Variants in CPA6 observed in about 807,000 individuals in gnomAD.
CPA6 encodes the protein carboxypeptidase B.
CPA6 carries 58 observed loss-of-function variants against 63.3 expected under a neutral mutation model. The observed-to-expected ratio is 0.92, with a 90% CI of 0.74 to 1.14. The LOEUF (loss-of-function observed/expected upper bound fraction) is 1.14, where lower values mean the gene tolerates loss of function less well. Among genes scored for constraint, CPA6 ranks in the 50% most tolerant of loss-of-function variants. CPA6 has a pLI of 0.00. For missense variants in CPA6, 565 were observed against 526.6 expected (o/e 1.07, Z -0.71); for synonymous variants, 185 against 179.0 (o/e 1.03, Z -0.27).
At chr8:67,671,361 C>T (rs1476362516) in intron 1 of CPA6, among the ~76,000 whole-genome samples, 1 of 152,206 alleles carries the variant, frequency 6.6e-6, no homozygotes, top group Non-Finnish European at 1.5e-5. Context: ...CTCCCCCATC[C>T]CCACTGCAGC....
rs551001551 is a variant in CPA6, at chr8:67,518,349, A to G, written c.193-302T>C. 5.8e-4 allele frequency among the ~76,000 whole-genome samples: 88 copies of G among 152,298 alleles called. 2 individuals carry two copies. In the South Asian group the frequency reaches 0.017, roughly 30 times the overall value. ...GGTATAATTTTGATATGGTTTTAAA[A>G]TTATTTGCTATGCAAATACTTGAAT... On this transcript the variant is annotated intron_variant, in intron 2 of 10. Transcript: ENST00000297770.
chr8:67,583,139 T>C (rs556319641), intron 2 of CPA6, among the ~76,000 whole-genome samples: 2 of 147,810 alleles, frequency 1.4e-5, no homozygotes, highest in African/African-American at 2.5e-5. Flanking sequence ...GTGTAAAGAG[T>C]TGGATGATTT....
intron 8 of CPA6, among the ~76,000 whole-genome samples, chr8:67,476,091 G>A (rs905242481): frequency 5.3e-5 from 8 of 150,368 alleles, no homozygotes; most frequent in South Asian, 2.1e-4. Context: ...CTTGGCTCAC[G>A]GCAACCGTTC....
intron 2 of CPA6, among the ~76,000 whole-genome samples, chr8:67,534,754 C>T (rs577458902): frequency 2.0e-4 from 31 of 152,106 alleles, no homozygotes; most frequent in African/African-American, 6.8e-4. Flanking sequence ...TCTAAGATAA[C>T]GTGTGCAGAA....
At chr8:67,727,141 G>C (rs1380801535) in intron 1 of CPA6, among the ~76,000 whole-genome samples, 1 of 151,064 alleles carries the variant, frequency 6.6e-6, no homozygotes, top group East Asian at 1.9e-4. Context: ...ACAGAAAAAA[G>C]TATAGGGAGA....
At chr8:67,507,999 T>TTG (rs145996041) in intron 5 of CPA6, among the ~76,000 whole-genome samples, 30,703 of 141,392 alleles carry the variant, frequency 0.22, 3,841 homozygotes, top group Non-Finnish European at 0.29. Flanking sequence ...ATGGGGTGCT[T>TTG]TGTGTGTGTG....
chr8:67,726,264 G>A (rs1017733430), intron 1 of CPA6, among the ~76,000 whole-genome samples: 1 of 152,172 alleles, frequency 6.6e-6, no homozygotes, highest in Non-Finnish European at 1.5e-5. Flanking sequence ...TCAAAGTGAT[G>A]GAAAGTCAGA....
chr8:67,722,449 C>T (rs909553845), intron 1 of CPA6, among the ~76,000 whole-genome samples: 3 of 152,162 alleles, frequency 2.0e-5, no homozygotes, highest in African/African-American at 4.8e-5. Context: ...CTTTGAGAGC[C>T]GCTCATTTCC....
chr8:67,468,390 C>A (rs930013868), intron 8 of CPA6, among the ~76,000 whole-genome samples: 14 of 151,678 alleles, frequency 9.2e-5, no homozygotes, highest in African/African-American at 3.2e-4. Flanking sequence ...CGAGACCAGC[C>A]TGGCCAACAT....
intron 2 of CPA6, among the ~76,000 whole-genome samples, chr8:67,544,023 A>G (rs1812762279): frequency 6.6e-6 from 1 of 152,114 alleles, no homozygotes; most frequent in African/African-American, 2.4e-5. Context: ...CCTGGTCTCA[A>G]GTGATCCTCC....
At chr8:67,690,385 A>T (rs1157610732) in intron 1 of CPA6, among the ~76,000 whole-genome samples, 3 of 152,218 alleles carry the variant, frequency 2.0e-5, no homozygotes, top group African/African-American at 7.2e-5. Flanking sequence ...TTAGAAGTTT[A>T]AAGATCTGTA....
In CPA6 at chr8:67,507,999, TTGTGTGTGTGTGTGTGTGTGTGTG is replaced by T. The variant is rs145996041; in HGVS notation, c.535-1135_535-1112del. On this transcript the variant is annotated intron_variant, in intron 5 of 10. Coordinates refer to ENST00000297770, the MANE Select transcript of CPA6 (RefSeq NM_020361.5). ...TTCCTCCTGTATTCTATGGGGTGCT[TTGTGTGTGTGTGTGTGTGTGTGTG>T]TGTGTGTGTGTGTGTGTGTGTGTGT... Among the ~76,000 whole-genome samples the T allele has an allele frequency of 4.7e-3, 671 of 142,394 alleles. 2 individuals are homozygous for T. Among genetic ancestry groups the T allele is most frequent in the South Asian group, 7.4e-3 (32 of 4,308 alleles). The allele number at this position is 142,394 out of a possible 152,430, so 93.4% of individuals were successfully genotyped here. A position where few individuals can be genotyped will look rare whatever the true frequency, so the allele number is the denominator to read the frequency against.
At chr8:67,475,839 CTTT>C (rs1563967719) in intron 8 of CPA6, among the ~76,000 whole-genome samples, 10 of 62,184 alleles carry the variant, frequency 1.6e-4, no homozygotes, top group South Asian at 1.1e-3. Context: ...TTCTTTCTTT[CTTT>C]CTTTCTTTCT....
At chr8:67,735,872 G>A (rs1213666904) in intron 1 of CPA6, among the ~76,000 whole-genome samples, 3 of 152,008 alleles carry the variant, frequency 2.0e-5, no homozygotes, top group Non-Finnish European at 4.4e-5. Flanking sequence ...GTATGTTACG[G>A]GACCTCACCA....
intron 8 of CPA6, among the ~76,000 whole-genome samples, chr8:67,453,452 T>C (rs1810600541): frequency 1.3e-5 from 2 of 152,088 alleles, no homozygotes; most frequent in Non-Finnish European, 2.9e-5. Flanking sequence ...TCTGGATATT[T>C]TGAGTTGAGA....
At chr8:67,460,257 G>A (rs1322629303) in intron 8 of CPA6, among the ~76,000 whole-genome samples, 1 of 152,178 alleles carries the variant, frequency 6.6e-6, no homozygotes, top group East Asian at 1.9e-4. Context: ...TTTATTGAAT[G>A]AATCAATCTG....
chr8:67,509,469 G>T, intron 5 of CPA6, 48 bp downstream of exon 5: 1 of 872,956 alleles, frequency 1.1e-6, no homozygotes. Context: ...GAAAAAGATG[G>T]ATATTTGGTA....
intron 2 of CPA6, among the ~76,000 whole-genome samples, chr8:67,541,691 G>T (rs994108396): frequency 3.3e-5 from 5 of 152,162 alleles, no homozygotes; most frequent in African/African-American, 9.7e-5. Flanking sequence ...GAGGGGTTTT[G>T]TCTGCGGCTT....
intron 9 of CPA6, among the ~76,000 whole-genome samples, chr8:67,432,296 G>A (rs1018920945): frequency 4.6e-5 from 7 of 152,156 alleles, no homozygotes; most frequent in South Asian, 2.1e-4. Flanking sequence ...TAATGAAATC[G>A]TCATGAATAC....
Sources: gnomAD v4.1 joint callset for allele counts (sites outside exome capture counted in the v4.1 genomes callset) on GRCh38, gnomAD v4.1.1 for gene constraint, MANE v1.5 for transcripts, NCBI Gene and HGNC (gene_info 2026-07-23, HGNC 2026-07-21) for gene names.